Variants in ATP10D observed in about 807,000 individuals in gnomAD.
The protein encoded by ATP10D is phospholipid-transporting ATPase VD.
ATP10D carries 89 observed loss-of-function variants against 144.8 expected under a neutral mutation model. The observed-to-expected ratio is 0.61, with a 90% CI of 0.52 to 0.73. The LOEUF (loss-of-function observed/expected upper bound fraction) is 0.73. Among genes scored for constraint, ATP10D ranks in the 30% least tolerant of loss-of-function variants. The pLI is 0.00. For missense variants in ATP10D, 1,603 were observed against 1,714.8 expected, an observed-to-expected ratio of 0.93 and a Z score of 1.15; for synonymous variants, 571 against 615.1, an observed-to-expected ratio of 0.93 and a Z score of 1.06.
intron 1 of ATP10D, among the ~76,000 whole-genome samples, chr4:47,508,782 C>T (rs550744219): frequency 6.6e-6 from 1 of 152,214 alleles, no homozygotes; most frequent in African/African-American, 2.4e-5. Flanking sequence ...TGTGTGTATA[C>T]ATGTATTTAT....
intron 3 of ATP10D, 114 bp downstream of exon 3, chr4:47,515,784 T>C (rs1716646560): frequency 1.3e-6 from 1 of 772,066 alleles, no homozygotes; most frequent in Admixed American, 2.9e-5. Context: ...GGTGTTGGTG[T>C]TGTTGCTATT....
At chr4:47,561,741 T>A (rs1276175314) in intron 14 of ATP10D, among the ~76,000 whole-genome samples, 1 of 152,202 alleles carries the variant, frequency 6.6e-6, no homozygotes, top group Admixed American at 6.5e-5. Context: ...CTGCATCCTA[T>A]CCCCTGAGAT....
At chr4:47,567,198 G>C (rs926607070) in intron 15 of ATP10D, among the ~76,000 whole-genome samples, 2 of 152,118 alleles carry the variant, frequency 1.3e-5, no homozygotes, top group African/African-American at 4.8e-5. Flanking sequence ...AACATCTCAA[G>C]TATTGTGAAA....
chr4:47,528,669 C>A (rs1717401218), intron 5 of ATP10D, among the ~76,000 whole-genome samples: 1 of 151,942 alleles, frequency 6.6e-6, no homozygotes. Flanking sequence ...TGGGTAGATA[C>A]CCAGTAGTGG....
At chr4:47,518,857 T>G (rs1716809823) in intron 3 of ATP10D, among the ~76,000 whole-genome samples, 1 of 152,224 alleles carries the variant, frequency 6.6e-6, no homozygotes, top group African/African-American at 2.4e-5. Flanking sequence ...GGGTAGACTC[T>G]GGATATACCT....
intron 3 of ATP10D, among the ~76,000 whole-genome samples, chr4:47,522,738 T>C (rs1008886986): frequency 6.6e-6 from 1 of 152,088 alleles, no homozygotes. Flanking sequence ...CCCAGCTGAT[T>C]TTTGTATTTT....
intron 11 of ATP10D, among the ~76,000 whole-genome samples, chr4:47,555,472 A>G (rs1174728079): frequency 6.6e-6 from 1 of 152,194 alleles, no homozygotes; most frequent in East Asian, 1.9e-4. Context: ...GTTAGAAGCT[A>G]TTACCCTACT....
chr4:47,590,681 AT>A (rs1259914882), intron 22 of ATP10D, among the ~76,000 whole-genome samples: 2 of 152,040 alleles, frequency 1.3e-5, no homozygotes, highest in Non-Finnish European at 2.9e-5. Flanking sequence ...TACAAATAGC[AT>A]TTTTAACACC....
intron 5 of ATP10D, among the ~76,000 whole-genome samples, chr4:47,529,149 A>T (rs571673973): frequency 1.1e-3 from 167 of 152,280 alleles, no homozygotes; most frequent in African/African-American, 3.8e-3. Flanking sequence ...TTTCAATTAA[A>T]TATGATTTGT....
chr4:47,572,924 T>A lies in ATP10D; in HGVS notation c.3293T>A (p.Leu1098His). Reference sequence around the variant, plus strand: ...TCTCAGTTCAAACATCTCAGCAAGCTCCTTCTTGTCCATGGACACTGGTGT... The same window carrying A: ...TCTCAGTTCAAACATCTCAGCAAGCACCTTCTTGTCCATGGACACTGGTGT... ...AVSQFKHLSK[L>H]LLVHGHWCYT... is the part of the protein sequence containing the mutation. Residue 1098 changes from leucine (L) to histidine (H), a missense_variant, in exon 18 of 23, where the codon CTC becomes CAC. Leu to His is a moderately conservative substitution (Grantham distance 99). Transcript: ENST00000273859. 6.2e-7 allele frequency: 1 copy of A among 1,614,088 alleles called. No homozygotes were observed. The highest frequency in any genetic ancestry group is 8.5e-7 in the Non-Finnish European group (1 of 1,179,992).
At chr4:47,513,542 G>C (rs1045472260) in intron 2 of ATP10D, among the ~76,000 whole-genome samples, 1 of 152,202 alleles carries the variant, frequency 6.6e-6, no homozygotes, top group Admixed American at 6.5e-5. Context: ...ATAACAGAGG[G>C]TGGGTGAGAT....
At chr4:47,522,944 TA>T in intron 3 of ATP10D, 67 bp from the exon 4 acceptor site, 10 of 1,305,960 alleles carry the variant, frequency 7.7e-6, no homozygotes, top group African/African-American at 1.5e-5. Flanking sequence ...AAAAATTTTT[TA>T]AAAAAAACAT....
chr4:47,525,837 T>C (rs1717218306), intron 5 of ATP10D, among the ~76,000 whole-genome samples, 195 bp downstream of exon 5: 1 of 152,244 alleles, frequency 6.6e-6, no homozygotes, highest in African/African-American at 2.4e-5. Flanking sequence ...ACACATATAA[T>C]ATTCATTCTG....
intron 21 of ATP10D, 48 bp from the exon 22 acceptor site, chr4:47,586,971 T>C (rs781206319): frequency 1.9e-6 from 3 of 1,566,880 alleles, no homozygotes; most frequent in Admixed American, 1.7e-5. Flanking sequence ...GTGGCAATAC[T>C]GTATCAGTGA....
intron 5 of ATP10D, among the ~76,000 whole-genome samples, chr4:47,528,679 G>T (rs1468786769): frequency 4.6e-5 from 7 of 151,950 alleles, no homozygotes; most frequent in Non-Finnish European, 1.0e-4. Context: ...CCCAGTAGTG[G>T]GATTGCTGGG....
intron 1 of ATP10D, among the ~76,000 whole-genome samples, chr4:47,505,152 T>A (rs1715951122): frequency 6.6e-6 from 1 of 152,354 alleles, no homozygotes; most frequent in Non-Finnish European, 1.5e-5. Context: ...ATTCTAGCCT[T>A]AGACATGAGG....
intron 11 of ATP10D, chr4:47,556,628 A>G (rs1362247407): frequency 6.6e-6 from 1 of 152,210 alleles, no homozygotes; most frequent in African/African-American, 2.4e-5. Context: ...TTCATGTGAG[A>G]TACAGAAACC....
At chr4:47,560,745 A>G (rs898502128) in intron 13 of ATP10D, among the ~76,000 whole-genome samples, 3 of 152,056 alleles carry the variant, frequency 2.0e-5, no homozygotes, top group South Asian at 4.2e-4. Flanking sequence ...AGGGTCATCC[A>G]TCATCAGTGT....
rs191248602 is a variant in ATP10D, at chr4:47,509,269, A to C, written c.-37-3235A>C. On this transcript the variant is annotated intron_variant, in intron 1 of 22. Coordinates refer to ENST00000273859, the MANE Select transcript of ATP10D (RefSeq NM_020453.4). ...ATTCGTTTACAAAAACATCCACTGA[A>C]ATAAAATAATTTAAAAGATCTTTAT... Among the ~76,000 whole-genome samples, 249 of 152,312 alleles carry C rather than the reference A, an allele frequency of 1.6e-3. 1 individual carries two copies. Among genetic ancestry groups the C allele is most frequent in the African/African-American group, 5.8e-3 (239 of 41,564 alleles).
Sources: gnomAD v4.1 joint callset for allele counts (sites outside exome capture counted in the v4.1 genomes callset) on GRCh38, gnomAD v4.1.1 for gene constraint, MANE v1.5 for transcripts, NCBI Gene and HGNC (gene_info 2026-07-23, HGNC 2026-07-21) for gene names.